Variants in B3GLCT observed in about 807,000 individuals in gnomAD.
B3GLCT encodes the protein beta 3-glucosyltransferase, also known as beta-1,3-glucosyltransferase.
B3GLCT carries 65 observed loss-of-function variants against 63.4 expected under a neutral mutation model. The observed-to-expected ratio is 1.03, with a 90% CI of 0.84 to 1.26. The LOEUF is 1.26. Among genes scored for constraint, B3GLCT ranks in the 50% most tolerant of loss-of-function variants. B3GLCT has a pLI of 0.00. For synonymous variants in B3GLCT, 233 were observed against 219.2 expected (o/e 1.06, Z -0.55); for missense variants, 577 against 604.8 (o/e 0.95, Z 0.48).
intron 1 of B3GLCT, among the ~76,000 whole-genome samples, chr13:31,212,524 C>T (rs1048508430): frequency 3.9e-5 from 6 of 152,122 alleles, no homozygotes; most frequent in African/African-American, 7.2e-5. Flanking sequence ...CCGCCCACCT[C>T]GGCCTCCCAA....
intron 9 of B3GLCT, among the ~76,000 whole-genome samples, chr13:31,275,622 C>G (rs1872747156): frequency 6.6e-6 from 1 of 152,118 alleles, no homozygotes; most frequent in Non-Finnish European, 1.5e-5. Context: ...TTGGCAGACC[C>G]AAGGTCCAGC....
chr13:31,205,752 T>C (rs1868917232), intron 1 of B3GLCT, among the ~76,000 whole-genome samples: 1 of 152,192 alleles, frequency 6.6e-6, no homozygotes, highest in Non-Finnish European at 1.5e-5. Flanking sequence ...CATTTAAGCA[T>C]TTACTCAAAA....
intron 12 of B3GLCT, among the ~76,000 whole-genome samples, chr13:31,299,948 A>C (rs890028837): frequency 6.6e-6 from 1 of 152,186 alleles, no homozygotes. Context: ...GTAAAATCCT[A>C]AACACAAGTG....
In B3GLCT at chr13:31,314,649, G is replaced by A. The variant is rs558109390; in HGVS notation, c.1065-2917G>A. ...CTCATAGGTGGAAGGGATTTGTCTTGTCTCAGATGAGACACTGGACTATGG... is the reference window on the plus strand; with the variant it reads ...CTCATAGGTGGAAGGGATTTGTCTTATCTCAGATGAGACACTGGACTATGG... On this transcript the variant is annotated intron_variant, in intron 12 of 14. Coordinates refer to ENST00000343307, the MANE Select transcript of B3GLCT (RefSeq NM_194318.4). Among the ~76,000 whole-genome samples, 4 of 152,300 alleles carry A rather than the reference G, an allele frequency of 2.6e-5. No homozygotes were observed. The South Asian group carries it at 8.3e-4, about 32-fold the overall frequency.
chr13:31,269,153 G>A, intron 7 of B3GLCT, 61 bp from the exon 8 acceptor site: 2 of 1,071,712 alleles, frequency 1.9e-6, no homozygotes, highest in South Asian at 1.3e-5. Context: ...TCTCAAGAAT[G>A]TGTTAGTCTT....
intron 1 of B3GLCT, among the ~76,000 whole-genome samples, chr13:31,203,149 G>A (rs1419063168): frequency 6.6e-6 from 1 of 152,174 alleles, no homozygotes; most frequent in African/African-American, 2.4e-5. Context: ...TCTGAGCCAG[G>A]TCTTGCCCAG....
Position 31,247,156 on chromosome 13 carries a change from G to A in B3GLCT, c.347+57G>A, listed in dbSNP as rs1160758529. The A allele has an allele frequency of 3.1e-5, 42 of 1,342,512 alleles. No individual in the cohort carries two copies. The Middle Eastern group carries it at 5.4e-4, about 17-fold the overall frequency. The allele number at this position is 1,342,512 out of a possible 1,614,324, so 83.2% of individuals were successfully genotyped here. ...GACATTCCTACCTGAACACTTTTAC[G>A]CCCTTAGTCTTTTTATTAAGAGGGT... On this transcript the variant is annotated intron_variant, in intron 5 of 14. Coordinates refer to ENST00000343307, the MANE Select transcript of B3GLCT (RefSeq NM_194318.4).
intron 4 of B3GLCT, among the ~76,000 whole-genome samples, chr13:31,235,120 T>C (rs1369057417): frequency 6.6e-6 from 1 of 151,682 alleles, no homozygotes; most frequent in Non-Finnish European, 1.5e-5. Flanking sequence ...AGGGCCAGAA[T>C]GGTGGGAGAT....
intron 8 of B3GLCT, among the ~76,000 whole-genome samples, chr13:31,269,995 T>A (rs762866383): frequency 5.0e-4 from 76 of 152,210 alleles, no homozygotes; most frequent in Non-Finnish European, 8.8e-4. Context: ...TTGTTGTGTG[T>A]CTGTGCTTGG....
chr13:31,257,131 T>C (rs2137823809), intron 6 of B3GLCT, among the ~76,000 whole-genome samples: 1 of 152,288 alleles, frequency 6.6e-6, no homozygotes, highest in Non-Finnish European at 1.5e-5. Context: ...TACTATATAA[T>C]AGCTGAATAC....
chr13:31,200,814 C>G (rs1868620691), intron 1 of B3GLCT, among the ~76,000 whole-genome samples: 1 of 152,082 alleles, frequency 6.6e-6, no homozygotes, highest in Admixed American at 6.5e-5. Flanking sequence ...GGGGCGCCCG[C>G]TGGGCCTCCG....
At chr13:31,240,425 A>G (rs1192261548) in intron 4 of B3GLCT, among the ~76,000 whole-genome samples, 1 of 149,736 alleles carries the variant, frequency 6.7e-6, no homozygotes, top group Admixed American at 6.6e-5. Flanking sequence ...AGTTTTGGAA[A>G]TCACTATTTT....
Position 31,260,938 on chromosome 13 carries a change from T to A in B3GLCT, c.460-8T>A, listed in dbSNP as rs761519440. ...TTTAAAGTGACATGTTATATCTTTA[T>A]TTAACAGGAATGGTTTTTGGGAAAA... On this transcript the variant is annotated splice_polypyrimidine_tract_variant and splice_region_variant and intron_variant, in intron 6 of 14. Transcript: ENST00000343307. 360 of 1,612,246 alleles carry A rather than the reference T, an allele frequency of 2.2e-4. 1 individual carries two copies. Among genetic ancestry groups the A allele is most frequent in the Non-Finnish European group, 2.9e-4 (340 of 1,178,458 alleles).
chr13:31,316,877 C>A (rs1281112155), intron 12 of B3GLCT, among the ~76,000 whole-genome samples: 3 of 152,110 alleles, frequency 2.0e-5, no homozygotes, highest in Admixed American at 1.3e-4. Flanking sequence ...TTTAGAGAAC[C>A]CAGACTAATA....
chr13:31,251,738 T>G (rs930079212), intron 6 of B3GLCT, among the ~76,000 whole-genome samples: 2 of 152,170 alleles, frequency 1.3e-5, no homozygotes, highest in African/African-American at 4.8e-5. Context: ...AAATCTACAT[T>G]TGATTGCTGT....
chr13:31,293,596 T>C (rs898647192), intron 12 of B3GLCT, among the ~76,000 whole-genome samples: 2 of 152,152 alleles, frequency 1.3e-5, no homozygotes, highest in African/African-American at 4.8e-5. Context: ...GGTTTAAAGA[T>C]CTGTTTTATC....
chr13:31,292,464 A>G (rs1873716255), intron 12 of B3GLCT, among the ~76,000 whole-genome samples: 2 of 152,128 alleles, frequency 1.3e-5, no homozygotes, highest in Non-Finnish European at 1.5e-5. Context: ...TTGGTAGGCT[A>G]TTAATTATTG....
Position 31,247,062 on chromosome 13 carries a change from C to G in B3GLCT, c.310C>G (p.Gln104Glu). 1.2e-6 allele frequency: 2 copies of G among 1,612,074 alleles called. No homozygotes were observed. Among genetic ancestry groups the G allele is most frequent in the East Asian group, 2.2e-5 (1 of 44,722 alleles). Residue 104 changes from glutamine to glutamate, a missense_variant, in exon 5 of 15, where the codon CAA becomes GAA. By Grantham distance (29) the Gln-to-Glu change is conservative. Coordinates refer to ENST00000343307, the MANE Select transcript of B3GLCT (RefSeq NM_194318.4). ...CCTCCTCCTTCATCAGCTGGCTAAACAAGAAGGTGCATGGACCATACTTCC... is the reference window on the plus strand; with the variant it reads ...CCTCCTCCTTCATCAGCTGGCTAAAGAAGAAGGTGCATGGACCATACTTCC... ...SVLLLHQLAKQEGAWTILPLL... is the reference protein window; with the variant it reads ...SVLLLHQLAKEEGAWTILPLL...
intron 7 of B3GLCT, among the ~76,000 whole-genome samples, chr13:31,265,985 T>C (rs887497702): frequency 3.9e-5 from 6 of 152,086 alleles, no homozygotes; most frequent in African/African-American, 9.7e-5. Flanking sequence ...AACTGTGCTA[T>C]TGGGGGCATG....
Sources: gnomAD v4.1 joint callset for allele counts (sites outside exome capture counted in the v4.1 genomes callset) on GRCh38, gnomAD v4.1.1 for gene constraint, MANE v1.5 for transcripts, NCBI Gene and HGNC (gene_info 2026-07-23, HGNC 2026-07-21) for gene names.